The following FHOD3 variants were observed in gnomAD, a reference collection of about 807,000 sequenced individuals.
FHOD3 encodes the protein FH1/FH2 domain-containing protein 3.
A neutral mutation model predicts 173.0 loss-of-function variants in FHOD3; 90 were observed. The ratio of observed to expected loss-of-function variants is 0.52; its 90% CI spans 0.44 to 0.62. The LOEUF is 0.62. Ranked by LOEUF, FHOD3 falls within the 20% of genes least tolerant of loss-of-function variation. FHOD3 has a pLI of 0.00. For missense variants in FHOD3, 1,945 were observed against 2,034.7 expected, an observed-to-expected ratio of 0.96 and a Z score of 0.85; for synonymous variants, 828 against 823.0, an observed-to-expected ratio of 1.01 and a Z score of -0.10.
At chr18:36,568,706 C>T (rs1464646308) in intron 5 of FHOD3, among the ~76,000 whole-genome samples, 1 of 152,160 alleles carries the variant, frequency 6.6e-6, no homozygotes, top group East Asian at 1.9e-4. Flanking sequence ...TCAAACTGAA[C>T]CAGGTTAATT....
chr18:36,580,609 A>G (rs540686395), intron 6 of FHOD3, among the ~76,000 whole-genome samples: 2 of 152,374 alleles, frequency 1.3e-5, no homozygotes, highest in South Asian at 4.1e-4. Context: ...TCCAGTCTAC[A>G]TAGTTCTAAT....
intron 6 of FHOD3, among the ~76,000 whole-genome samples, chr18:36,592,238 G>A (rs1216668376): frequency 2.0e-5 from 3 of 152,106 alleles, no homozygotes; most frequent in Admixed American, 6.5e-5. Flanking sequence ...AAATAAATCA[G>A]GGTGATGTGT....
At chr18:36,680,179 T>C (rs951691199) in intron 14 of FHOD3, among the ~76,000 whole-genome samples, 10 of 152,198 alleles carry the variant, frequency 6.6e-5, no homozygotes, top group African/African-American at 2.4e-4. Flanking sequence ...TCCCTCCCTG[T>C]AGCTGCCAGG....
chr18:36,365,616 A>T lies in FHOD3; in HGVS notation c.273-7064A>T, dbSNP rs116405552. 7.1e-3 allele frequency among the ~76,000 whole-genome samples: 1,080 copies of T among 152,322 alleles called. 12 individuals are homozygous for T. The highest frequency in any genetic ancestry group is 0.025 in the African/African-American group (1,041 of 41,572). ...TAGATTGTAATGACTGTATAACTCT[A>T]TGAAGATACTAATAATCAGTGGATT... On this transcript the variant is annotated intron_variant, in intron 2 of 28. Coordinates refer to ENST00000590592, the MANE Select transcript of FHOD3 (RefSeq NM_001281740.3).
At chr18:36,463,263 C>T (rs1002946369) in intron 3 of FHOD3, among the ~76,000 whole-genome samples, 2 of 148,490 alleles carry the variant, frequency 1.3e-5, no homozygotes, top group Admixed American at 6.8e-5. Context: ...TTTCTGAAAA[C>T]CTTGTAGGCT....
At chr18:36,376,687 G>A (rs900607796) in intron 3 of FHOD3, among the ~76,000 whole-genome samples, 2 of 152,124 alleles carry the variant, frequency 1.3e-5, no homozygotes, top group African/African-American at 4.8e-5. Flanking sequence ...ATGAGAGAAG[G>A]CCACTCCATT....
intron 5 of FHOD3, among the ~76,000 whole-genome samples, chr18:36,567,812 A>T (rs576828010): frequency 4.6e-5 from 7 of 152,188 alleles, no homozygotes; most frequent in African/African-American, 1.2e-4. Context: ...TCACTCTGTT[A>T]TCTTGCCCCC....
intron 3 of FHOD3, among the ~76,000 whole-genome samples, chr18:36,417,548 T>A (rs143128386): frequency 6.6e-6 from 1 of 152,254 alleles, no homozygotes; most frequent in African/African-American, 2.4e-5. Context: ...GTCTTTATAA[T>A]AGAATGACTT....
intron 3 of FHOD3, among the ~76,000 whole-genome samples, chr18:36,398,586 T>A (rs1000892773): frequency 2.6e-5 from 4 of 152,158 alleles, no homozygotes; most frequent in South Asian, 2.1e-4. Flanking sequence ...CAATGATTTG[T>A]TCCATTGTGA....
intron 3 of FHOD3, among the ~76,000 whole-genome samples, chr18:36,467,551 C>T (rs2053016617): frequency 1.3e-5 from 2 of 152,212 alleles, no homozygotes; most frequent in African/African-American, 2.4e-5. Flanking sequence ...TGTGAGGGAG[C>T]GAAGGGGGTC....
intron 27 of FHOD3, among the ~76,000 whole-genome samples, chr18:36,761,087 C>G (rs745666839): frequency 1.3e-5 from 2 of 152,192 alleles, no homozygotes; most frequent in Non-Finnish European, 2.9e-5. Context: ...CTTCCCCCTG[C>G]TTTTAGAAAT....
At chr18:36,737,917 C>G (rs2041719500) in intron 20 of FHOD3, among the ~76,000 whole-genome samples, 1 of 152,160 alleles carries the variant, frequency 6.6e-6, no homozygotes. Flanking sequence ...CATATAAATT[C>G]ATGCAATGAC....
chr18:36,567,640 A>G (rs2058312021), intron 5 of FHOD3, among the ~76,000 whole-genome samples: 1 of 152,226 alleles, frequency 6.6e-6, no homozygotes, highest in Non-Finnish European at 1.5e-5. Flanking sequence ...AGAAGACTAG[A>G]ACTTAGAATA....
At chr18:36,612,121 T>C (rs2032744088) in intron 9 of FHOD3, 26 bp downstream of exon 9, 1 of 1,607,464 alleles carries the variant, frequency 6.2e-7, no homozygotes, top group African/African-American at 1.3e-5. Flanking sequence ...TTTTGTAAGG[T>C]ATCGTACAGC....
intron 1 of FHOD3, among the ~76,000 whole-genome samples, chr18:36,350,204 T>C (rs1158207771): frequency 1.3e-5 from 2 of 152,196 alleles, no homozygotes; most frequent in African/African-American, 4.8e-5. Context: ...GGTCCTGCTT[T>C]ATTGGTGTGT....
chr18:36,459,685 A>T (rs561212124), intron 3 of FHOD3, among the ~76,000 whole-genome samples: 1 of 152,326 alleles, frequency 6.6e-6, no homozygotes, highest in African/African-American at 2.4e-5. Context: ...CATTTTGAAA[A>T]ATATAGCTTT....
intron 1 of FHOD3, among the ~76,000 whole-genome samples, chr18:36,319,633 G>A (rs778394887): frequency 2.4e-4 from 37 of 152,072 alleles, no homozygotes; most frequent in Non-Finnish European, 3.5e-4. Flanking sequence ...TGGGCCAAGC[G>A]GACCTAATAG....
In FHOD3 at chr18:36,481,020, G is replaced by GTTTT. The variant is rs35793521; in HGVS notation, c.338-20893_338-20890dup. ...GCCAGGCTGGGCATATTGGGAGGTG[G>GTTTT]TTTTTTTTTTTTTTTTTTTTTTGCG... On this transcript the variant is annotated intron_variant, in intron 3 of 28. Transcript: ENST00000590592. Among the ~76,000 whole-genome samples the GTTTT allele has an allele frequency of 2.6e-3, 270 of 104,392 alleles. 3 individuals are homozygous for GTTTT. The East Asian group carries it at 0.053, about 21-fold the overall frequency. The allele number at this position is 104,392 out of a possible 152,430, so 68.5% of individuals were successfully genotyped here. A position where few individuals can be genotyped will look rare whatever the true frequency, so the allele number is the denominator to read the frequency against.
intron 10 of FHOD3, among the ~76,000 whole-genome samples, chr18:36,625,980 T>C (rs1449244035): frequency 6.6e-6 from 1 of 152,186 alleles, no homozygotes; most frequent in Non-Finnish European, 1.5e-5. Context: ...GGAACTGTTT[T>C]TCAGCTACCT....
Sources: allele counts gnomAD v4.1 joint callset (sites outside exome capture counted in the v4.1 genomes callset), GRCh38; gene constraint gnomAD v4.1.1; transcripts MANE v1.5; gene names NCBI Gene and HGNC (gene_info 2026-07-23, HGNC 2026-07-21).